PIP4K2B: variants seen among roughly 807,000 people sequenced by gnomAD.
The protein encoded by PIP4K2B is phosphatidylinositol 5-phosphate 4-kinase type-2 beta.
A neutral mutation model predicts 42.0 loss-of-function variants in PIP4K2B; 3 were observed. The ratio of observed to expected loss-of-function variants is 0.07; its 90% confidence interval spans 0.03 to 0.18. The LOEUF is 0.18. Ranked by LOEUF, PIP4K2B falls within the 10% of genes least tolerant of loss-of-function variation. PIP4K2B has a pLI of 1.00. For synonymous variants in PIP4K2B, 204 were observed against 210.1 expected (o/e 0.97, Z 0.25); for missense variants, 332 against 562.3 (o/e 0.59, Z 4.14).
intron 1 of PIP4K2B, among the ~76,000 whole-genome samples, chr17:38,795,099 C>CAAAAA (rs61707682): frequency 8.8e-3 from 364 of 41,406 alleles, no homozygotes; most frequent in Middle Eastern, 0.036. Context: ...AACTCCATCT[C>CAAAAA]AAAAAAAAAA....
rs147308811 is a variant in PIP4K2B, at chr17:38,771,053, C to T, written c.1027G>A (p.Asp343Asn). Residue 343 changes from aspartate (D) to asparagine (N), a missense_variant, in exon 8 of 10, where the codon GAC becomes AAC. Physicochemically the swap from Asp to Asn is conservative, Grantham distance 23 (BLOSUM62 1). This residue lies in a region of PIP4K2B where 63 missense variants were observed against 71.6 expected (regional missense o/e 0.88). Transcript: ENST00000619039. ...FPRFFGPGEF[D>N]PSVDVYAMKS... is the part of the protein sequence containing the mutation. ...ATGGCATAGACGTCAACAGAGGGGT[C>T]GAATTCCCCAGGACCAAAGAACCGA... The T allele has an allele frequency of 6.8e-6, 11 of 1,613,994 alleles. No homozygotes were observed. The highest frequency in any genetic ancestry group is 5.3e-5 in the African/African-American group (4 of 74,878).
chr17:38,795,182 G>C (rs1910588740), intron 1 of PIP4K2B, among the ~76,000 whole-genome samples: 1 of 149,622 alleles, frequency 6.7e-6, no homozygotes, highest in East Asian at 2.0e-4. Flanking sequence ...TCATATATCT[G>C]ATAAGGGACC....
intron 7 of PIP4K2B, among the ~76,000 whole-genome samples, chr17:38,775,303 TGCA>T (rs1909274611): frequency 6.6e-6 from 1 of 152,096 alleles, no homozygotes. Flanking sequence ...TTCAGGCTGA[TGCA>T]CAGTGGCATG....
rs1004104098 is a variant in PIP4K2B at position 38,767,350 on chromosome 17, A to G, written c.*2341T>C. The G allele has an allele frequency of 1.3e-5, 2 of 152,114 alleles. No homozygotes were observed. The highest frequency in any genetic ancestry group is 2.9e-5 in the Non-Finnish European group (2 of 68,028). 9.4% of individuals were successfully genotyped at this position (152,114 alleles called of 1,614,324 possible). On this transcript the variant is annotated 3_prime_UTR_variant, in exon 10 of 10. Coordinates refer to ENST00000619039, the MANE Select transcript of PIP4K2B (RefSeq NM_003559.5). ...TTTGAATGCCAAAAATTGGGGGCCAAACTCAAGGTTTTGAAGATAGCACAG... is the reference window on the plus strand; with the variant it reads ...TTTGAATGCCAAAAATTGGGGGCCAGACTCAAGGTTTTGAAGATAGCACAG...
At chr17:38,798,939 A>G (rs1910800499) in intron 1 of PIP4K2B, among the ~76,000 whole-genome samples, 1 of 152,018 alleles carries the variant, frequency 6.6e-6, no homozygotes, top group South Asian at 2.1e-4. Flanking sequence ...GAGGAGGAGA[A>G]GCAGGGATGA....
intron 3 of PIP4K2B, 49 bp downstream of exon 3, chr17:38,784,194 G>C: frequency 8.9e-7 from 1 of 1,124,894 alleles, no homozygotes; most frequent in Non-Finnish European, 1.4e-6. Context: ...GTGGCTTCCT[G>C]ACCCCATTCC....
At chr17:38,779,334 G>T in intron 5 of PIP4K2B, 49 bp downstream of exon 5, 1 of 1,569,790 alleles carries the variant, frequency 6.4e-7, no homozygotes, top group South Asian at 1.1e-5. Flanking sequence ...GCCCCTTCGG[G>T]GCTCAGATAG....
chr17:38,771,542 G>A (rs1375794711), intron 7 of PIP4K2B, among the ~76,000 whole-genome samples: 2 of 113,708 alleles, frequency 1.8e-5, no homozygotes, highest in East Asian at 3.2e-4. Context: ...GAGGGAGATG[G>A]TCTCAAAAAA....
intron 1 of PIP4K2B, among the ~76,000 whole-genome samples, chr17:38,788,021 A>T (rs534544933): frequency 7.3e-4 from 111 of 152,354 alleles, no homozygotes; most frequent in African/African-American, 2.3e-3. Flanking sequence ...ATAAATGATC[A>T]ATAGATAAAT....
At chr17:38,771,378 A>G (rs941725503) in intron 7 of PIP4K2B, 106 bp from the exon 8 acceptor site, 7 of 1,330,612 alleles carry the variant, frequency 5.3e-6, no homozygotes, top group African/African-American at 1.4e-5. Flanking sequence ...TCAATTCTAC[A>G]AACAGTTTTG....
At chr17:38,781,784 T>C (rs1300054278) in intron 3 of PIP4K2B, among the ~76,000 whole-genome samples, 3 of 151,904 alleles carry the variant, frequency 2.0e-5, no homozygotes, top group Non-Finnish European at 2.9e-5. Context: ...CCCAAAGTGC[T>C]AGGATTACAG....
chr17:38,782,260 A>T (rs1909757719), intron 3 of PIP4K2B, among the ~76,000 whole-genome samples: 1 of 151,988 alleles, frequency 6.6e-6, no homozygotes, highest in East Asian at 1.9e-4. Flanking sequence ...GCATCCCCTG[A>T]CTCTCTAAGT....
chr17:38,777,630 G>C lies in PIP4K2B; in HGVS notation c.807+57C>G. ...TTCCATTCTTCTTAAGGTTTAAGAG[G>C]CGCCTACTCTAGGTACAGAAGGAGC... On this transcript the variant is annotated intron_variant, in intron 7 of 9. Coordinates refer to ENST00000619039, the MANE Select transcript of PIP4K2B (RefSeq NM_003559.5). 10 of 1,089,716 alleles carry C rather than the reference G, an allele frequency of 9.2e-6. No homozygotes were observed. The Admixed American group carries it at 1.7e-4, about 19-fold the overall frequency. 67.5% of individuals were successfully genotyped at this position (1,089,716 alleles called of 1,614,324 possible).
At position 38,768,718 on chromosome 17, in the gene PIP4K2B, G is replaced by A. The variant is rs1477616336; in HGVS notation, c.*973C>T. ...AGAAGGAAGAAGGAAATAGATCGAG[G>A]GCACAGGGCCTCATTTGATACATCA... On this transcript the variant is annotated 3_prime_UTR_variant, in exon 10 of 10. Transcript: ENST00000619039. 1 of 152,254 alleles carries A rather than the reference G, an allele frequency of 6.6e-6. No individual in the cohort carries two copies. The highest frequency in any genetic ancestry group is 2.4e-5 in the African/African-American group (1 of 41,462). 9.4% of individuals were successfully genotyped at this position (152,254 alleles called of 1,614,324 possible).
chr17:38,788,687 T>A (rs898240532), intron 1 of PIP4K2B, among the ~76,000 whole-genome samples: 1 of 151,200 alleles, frequency 6.6e-6, no homozygotes, highest in African/African-American at 2.4e-5. Flanking sequence ...CAAGACCCTA[T>A]CTCTAAAAAA....
chr17:38,788,812 G>A (rs913699391), intron 1 of PIP4K2B, among the ~76,000 whole-genome samples: 2 of 152,118 alleles, frequency 1.3e-5, no homozygotes, highest in African/African-American at 4.8e-5. Flanking sequence ...AATTAGCTGG[G>A]TGTGGTGGAA....
chr17:38,779,283 A>G (rs774050078), intron 5 of PIP4K2B, 100 bp downstream of exon 5: 19 of 1,223,650 alleles, frequency 1.6e-5, no homozygotes, highest in Non-Finnish European at 2.0e-5. Flanking sequence ...ATGCCAACAC[A>G]TAGGCTCCAG....
Position 38,786,939 on chromosome 17 carries a change from G to GT in PIP4K2B, c.160-20dup. 1 of 1,559,452 alleles carries GT rather than the reference G, an allele frequency of 6.4e-7. No individual in the cohort carries two copies. Among genetic ancestry groups the GT allele is most frequent in the Non-Finnish European group, 8.8e-7 (1 of 1,130,134 alleles). On this transcript the variant is annotated intron_variant, in intron 1 of 9. Coordinates refer to ENST00000619039, the MANE Select transcript of PIP4K2B (RefSeq NM_003559.5). ...CATTGATCTGAAAAGCAAGGAGAAC[G>GT]TAAGGCTCTCAGCCAGGAGGCCACC...
chr17:38,775,898 C>T (rs775155743), intron 7 of PIP4K2B: 92 of 353,360 alleles, frequency 2.6e-4, no homozygotes, highest in Non-Finnish European at 4.9e-4. Context: ...AATTCTGACA[C>T]ATGATACAGT....
Sources: allele counts gnomAD v4.1 joint callset (sites outside exome capture counted in the v4.1 genomes callset), GRCh38; gene constraint gnomAD v4.1.1; regional missense constraint gnomAD v4.1.1; transcripts MANE v1.5; gene names NCBI Gene and HGNC (gene_info 2026-07-23, HGNC 2026-07-21).